DDHD1: variants seen among roughly 807,000 people sequenced by gnomAD.
DDHD1 encodes phospholipase DDHD1.
In DDHD1, 49 loss-of-function variants were observed where a neutral mutation model predicts 96.4. The ratio of observed to expected loss-of-function variants is 0.51; its 90% CI spans 0.40 to 0.64. The LOEUF (loss-of-function observed/expected upper bound fraction) is 0.64. Among genes scored for constraint, DDHD1 ranks in the 30% least tolerant of loss-of-function variants. The pLI, the probability that DDHD1 is intolerant of heterozygous loss-of-function variation, is 0.00. For missense variants in DDHD1, 1,106 were observed against 1,161.2 expected (o/e 0.95, Z 0.69); for synonymous variants, 442 against 446.5 (o/e 0.99, Z 0.13).
chr14:53,053,785 G>A (rs1327778385), intron 11 of DDHD1: 2 of 152,098 alleles, frequency 1.3e-5, no homozygotes, highest in Non-Finnish European at 2.9e-5. Context: ...TAATGTTCAA[G>A]TTCAGACTCT....
intron 4 of DDHD1, among the ~76,000 whole-genome samples, chr14:53,086,972 C>CAAA (rs60569444): frequency 5.0e-4 from 26 of 52,200 alleles, no homozygotes; most frequent in South Asian, 2.0e-3. Flanking sequence ...AAATGAAAAG[C>CAAA]AAAAAAAAAA....
chr14:53,074,282 C>T (rs1438480969), intron 4 of DDHD1, among the ~76,000 whole-genome samples: 1 of 151,536 alleles, frequency 6.6e-6, no homozygotes, highest in Non-Finnish European at 1.5e-5. Flanking sequence ...ACCCTTTTCT[C>T]CCTTTTGGTG....
rs1009513714 is a variant in DDHD1 at position 53,067,172 on chromosome 14, T to A, written c.1504-3967A>T. Among the ~76,000 whole-genome samples the A allele has an allele frequency of 6.6e-5, 10 of 150,656 alleles. No individual in the cohort carries two copies. The East Asian group carries it at 1.2e-3, about 17-fold the overall frequency. ...ATTCCTTTTCTTTTTTTTTTTTTTT[T>A]AAATGAGATGGGCTCTCCCTCTGTG... On this transcript the variant is annotated intron_variant, in intron 6 of 12. Coordinates refer to ENST00000673822, the MANE Select transcript of DDHD1 (RefSeq NM_001160148.2).
intron 2 of DDHD1, 145 bp from the exon 3 acceptor site, chr14:53,093,589 TA>T (rs901887263): frequency 9.3e-6 from 10 of 1,069,890 alleles, no homozygotes; most frequent in African/African-American, 6.5e-5. Flanking sequence ...CTATTTCACA[TA>T]AAAAAAGTTA....
chr14:53,117,617 T>G (rs1348538637), intron 1 of DDHD1, among the ~76,000 whole-genome samples: 1 of 151,972 alleles, frequency 6.6e-6, no homozygotes, highest in Non-Finnish European at 1.5e-5. Flanking sequence ...TTGCTGGGGC[T>G]TAAGTAGCTC....
Position 53,058,552 on chromosome 14 carries a change from A to G in DDHD1, c.1917T>C (p.Thr639=), listed in dbSNP as rs781622636. The G allele has an allele frequency of 6.2e-7, 1 of 1,613,814 alleles. No individual in the cohort carries two copies. The highest frequency in any genetic ancestry group is 1.1e-5 in the South Asian group (1 of 90,896). Residue 639 remains threonine (T), a synonymous_variant, in exon 9 of 13, where the codon ACT becomes ACC. Transcript: ENST00000673822. ...TAGGCAAAATATGGTCTTGACTTCCAGTATTTCCTGGGCGGATGCCACGCA... is the reference window on the plus strand; with the variant it reads ...TAGGCAAAATATGGTCTTGACTTCCGGTATTTCCTGGGCGGATGCCACGCA... ...LALRGIRPGN[T]GSQDHILPRE... is the part of the protein sequence containing the mutation.
At chr14:53,059,631 C>T (rs1219400095) in intron 8 of DDHD1, among the ~76,000 whole-genome samples, 8 of 147,922 alleles carry the variant, frequency 5.4e-5, no homozygotes, top group East Asian at 2.0e-4. Context: ...TTTGGGAGGC[C>T]GTGGCGGGCG....
At chr14:53,128,387 A>T (rs1316803529) in intron 1 of DDHD1, among the ~76,000 whole-genome samples, 1 of 152,218 alleles carries the variant, frequency 6.6e-6, no homozygotes, top group African/African-American at 2.4e-5. Context: ...TCAAGGCACC[A>T]GCAGATTTGG....
In DDHD1 at chr14:53,099,234, T is replaced by A. The variant is rs76130859; in HGVS notation, c.1012+4449A>T. Among the ~76,000 whole-genome samples, 28 of 152,318 alleles carry A rather than the reference T, an allele frequency of 1.8e-4. No individual in the cohort carries two copies. In the East Asian group the frequency reaches 4.8e-3, roughly 26 times the overall value. On this transcript the variant is annotated intron_variant, in intron 2 of 12. Coordinates refer to ENST00000673822, the MANE Select transcript of DDHD1 (RefSeq NM_001160148.2). ...ATCCTTCATCCAGCTTCTCCTAATGTTAGCATCTTGCATAACTATAGTATA... is the reference window on the plus strand; with the variant it reads ...ATCCTTCATCCAGCTTCTCCTAATGATAGCATCTTGCATAACTATAGTATA...
At chr14:53,052,742 T>G (rs1486929419) in intron 11 of DDHD1, 1 of 151,996 alleles carries the variant, frequency 6.6e-6, no homozygotes, top group African/African-American at 2.4e-5. Flanking sequence ...GTATAATATA[T>G]AAGTATGTGT....
rs1555328199 is a variant in DDHD1 at position 53,043,288 on chromosome 14, TGTGA to T, written c.*3476_*3479del. ...AGTATTCAGCATGAAGCATGTTCAG[TGTGA>T]GTACTTCAAAAGATAACAGATGCCG... On this transcript the variant is annotated 3_prime_UTR_variant, in exon 13 of 13. Transcript: ENST00000673822. The T allele has an allele frequency of 3.9e-5, 6 of 152,158 alleles. No individual in the cohort carries two copies. The highest frequency in any genetic ancestry group is 7.3e-5 in the Non-Finnish European group (5 of 68,034). The allele number at this position is 152,158 out of a possible 1,614,324, so 9.4% of individuals were successfully genotyped here. A position where few individuals can be genotyped will look rare whatever the true frequency, so the allele number is the denominator to read the frequency against.
intron 1 of DDHD1, among the ~76,000 whole-genome samples, chr14:53,123,154 A>G (rs1457624927): frequency 7.6e-6 from 1 of 131,244 alleles, no homozygotes; most frequent in Non-Finnish European, 1.6e-5. Context: ...TATTATTATT[A>G]TTATTATTTT....
intron 2 of DDHD1, among the ~76,000 whole-genome samples, chr14:53,096,842 T>G (rs1566562208): frequency 6.6e-6 from 1 of 152,152 alleles, no homozygotes; most frequent in Middle Eastern, 3.4e-3. Flanking sequence ...TTAACTTTGC[T>G]TTTGAAAAGA....
At chr14:53,124,843 A>G (rs1889311287) in intron 1 of DDHD1, among the ~76,000 whole-genome samples, 1 of 152,232 alleles carries the variant, frequency 6.6e-6, no homozygotes, top group African/African-American at 2.4e-5. Flanking sequence ...GTAATTTATT[A>G]TCTCATAGTT....
chr14:53,091,650 T>C, intron 4 of DDHD1, 135 bp downstream of exon 4: 2 of 875,606 alleles, frequency 2.3e-6, no homozygotes, highest in South Asian at 2.8e-5. Flanking sequence ...ACTTGATCTA[T>C]GACTTAAGAG....
At position 53,063,052 on chromosome 14, in the gene DDHD1, C is replaced by A; in HGVS notation, c.1657G>T (p.Val553Phe). Residue 553 changes from valine to phenylalanine, a missense_variant, in exon 7 of 13, where the codon GTT (valine) becomes TTT (phenylalanine). This residue lies in a region of DDHD1 where 650 missense variants were observed against 758.8 expected (regional missense o/e 0.86). Coordinates refer to ENST00000673822, the MANE Select transcript of DDHD1 (RefSeq NM_001160148.2). The stretch of plus-strand genomic sequence containing the variant: ...TGCAGCAACTGTTCATACAGCCGAA[C>A]TGGATTCCAGCCAGTCATTATGTCA... ...TYDIMTGWNP[V>F]RLYEQLLQKE... is the part of the protein sequence containing the mutation. 1.2e-6 allele frequency: 2 copies of A among 1,614,064 alleles called. No individual in the cohort carries two copies. Among genetic ancestry groups the A allele is most frequent in the Non-Finnish European group, 1.7e-6 (2 of 1,179,992 alleles).
At chr14:53,119,049 T>C (rs1888776514) in intron 1 of DDHD1, among the ~76,000 whole-genome samples, 1 of 152,176 alleles carries the variant, frequency 6.6e-6, no homozygotes, top group Non-Finnish European at 1.5e-5. Context: ...CAGAATCTCA[T>C]ATTCAGCCAA....
At chr14:53,102,770 G>C (rs1282221465) in intron 2 of DDHD1, among the ~76,000 whole-genome samples, 1 of 151,692 alleles carries the variant, frequency 6.6e-6, no homozygotes, top group East Asian at 1.9e-4. Flanking sequence ...ATTATGTTAT[G>C]TAAACAATTA....
chr14:53,091,956 G>A (rs770503508), intron 3 of DDHD1, 24 bp from the exon 4 acceptor site: 3 of 1,584,608 alleles, frequency 1.9e-6, no homozygotes, highest in Non-Finnish European at 2.6e-6. Flanking sequence ...ATAATTCTAA[G>A]TTTACTATTT....
Sources: allele counts gnomAD v4.1 joint callset (sites outside exome capture counted in the v4.1 genomes callset), GRCh38; gene constraint gnomAD v4.1.1; regional missense constraint gnomAD v4.1.1; transcripts MANE v1.5; gene names NCBI Gene and HGNC (gene_info 2026-07-23, HGNC 2026-07-21).